Variants in RBFOX1 observed in about 807,000 individuals in gnomAD.
RBFOX1 encodes the protein RNA binding protein fox-1 homolog 1.
RBFOX1 carries 8 observed loss-of-function variants against 57.7 expected under a neutral mutation model. The ratio of observed to expected loss-of-function variants is 0.14; its 90% CI spans 0.08 to 0.25. RBFOX1 has a LOEUF of 0.25. Among genes scored for constraint, RBFOX1 ranks in the 10% least tolerant of loss-of-function variants. The probability of loss-of-function intolerance (pLI) is 1.00; values close to 1 mark genes in which losing one functional copy is unlikely to be tolerated. For missense variants in RBFOX1, 611 were observed against 548.5 expected (o/e 1.11, Z -1.14); for synonymous variants, 326 against 222.4 (o/e 1.47, Z -4.15).
At chr16:7,441,395 TG>T (rs1287078069) in intron 4 of RBFOX1, among the ~76,000 whole-genome samples, 1 of 152,218 alleles carries the variant, frequency 6.6e-6, no homozygotes, top group African/African-American at 2.4e-5. Context: ...GGTAGAGTTT[TG>T]CTCTGAGAGA....
intron 3 of RBFOX1, among the ~76,000 whole-genome samples, chr16:6,738,069 C>T (rs548343016): frequency 1.7e-3 from 227 of 132,934 alleles, no homozygotes; most frequent in African/African-American, 5.4e-3. Context: ...TTTTTTTTTG[C>T]GGTAATTCTT....
chr16:6,173,490 A>C (rs1050432418), intron 1 of RBFOX1, among the ~76,000 whole-genome samples: 1 of 151,476 alleles, frequency 6.6e-6, no homozygotes, highest in African/African-American at 2.4e-5. Context: ...CACTCCACTC[A>C]CCAGTGGATA....
At chr16:6,590,457 G>A (rs2097694569) in intron 2 of RBFOX1, among the ~76,000 whole-genome samples, 1 of 152,152 alleles carries the variant, frequency 6.6e-6, no homozygotes, top group Admixed American at 6.5e-5. Context: ...CTTTTACACA[G>A]TAGCAGGCCT....
chr16:5,979,394 C>T lies in RBFOX1; in HGVS notation c.351+112059C>T, dbSNP rs138860743. Among the ~76,000 whole-genome samples the T allele has an allele frequency of 5.8e-3, 878 of 152,254 alleles. 4 individuals are homozygous for T. The highest frequency in any genetic ancestry group is 7.7e-3 in the Non-Finnish European group (522 of 68,006). On this transcript the variant is annotated intron_variant, in intron 4 of 19. Transcript: ENST00000641259. ...TCAAAATTTGTTATTTTGTTATTTC[C>T]TTCTTTTTATCTCAAGAGAGGAAAC...
At chr16:7,523,270 G>A (rs938599102) in intron 5 of RBFOX1, among the ~76,000 whole-genome samples, 1 of 152,112 alleles carries the variant, frequency 6.6e-6, no homozygotes, top group African/African-American at 2.4e-5. Context: ...TTCATTTTGG[G>A]TAATGGAGAA....
intron 2 of RBFOX1, among the ~76,000 whole-genome samples, chr16:6,484,246 G>T (rs1317523620): frequency 6.6e-6 from 1 of 152,200 alleles, no homozygotes; most frequent in Non-Finnish European, 1.5e-5. Flanking sequence ...ATGGCCAGAT[G>T]GGTTGTGCAT....
intron 4 of RBFOX1, among the ~76,000 whole-genome samples, chr16:7,378,876 T>C (rs1231247813): frequency 1.3e-5 from 2 of 152,110 alleles, no homozygotes; most frequent in Admixed American, 6.5e-5. Context: ...TATTATTAAG[T>C]GGCAATAACG....
At chr16:6,482,627 C>G (rs142152869) in intron 2 of RBFOX1, among the ~76,000 whole-genome samples, 1 of 152,310 alleles carries the variant, frequency 6.6e-6, no homozygotes, top group East Asian at 1.9e-4. Context: ...AACCTCAGCG[C>G]ATTCTCATTT....
intron 2 of RBFOX1, among the ~76,000 whole-genome samples, chr16:6,461,296 T>G (rs1464675448): frequency 6.6e-6 from 1 of 152,158 alleles, no homozygotes; most frequent in Admixed American, 6.6e-5. Flanking sequence ...ACACTGGTCA[T>G]AGTGGATTAG....
At chr16:6,925,108 G>A (rs148428338) in intron 3 of RBFOX1, among the ~76,000 whole-genome samples, 3,244 of 70,388 alleles carry the variant, frequency 0.046, 224 homozygotes, top group African/African-American at 0.16. Flanking sequence ...CTAGGTTGTT[G>A]GTTTTTTTTT....
intron 3 of RBFOX1, among the ~76,000 whole-genome samples, chr16:7,051,297 G>A (rs1035316008): frequency 6.6e-6 from 1 of 152,162 alleles, no homozygotes; most frequent in African/African-American, 2.4e-5. Context: ...GCATAATCAT[G>A]TAATACGACT....
At chr16:5,512,641 G>C (rs888401056) in intron 2 of RBFOX1, among the ~76,000 whole-genome samples, 10 of 152,078 alleles carry the variant, frequency 6.6e-5, no homozygotes, top group African/African-American at 2.4e-4. Context: ...AATAGGTTTA[G>C]GTTCATAAAA....
rs183558458 is a variant in RBFOX1, at chr16:6,536,104, C to G, written c.-63-118499C>G. Among the ~76,000 whole-genome samples, 3 of 152,246 alleles carry G rather than the reference C, an allele frequency of 2.0e-5. No individual in the cohort carries two copies. In the East Asian group the frequency reaches 5.8e-4, roughly 29 times the overall value. On this transcript the variant is annotated intron_variant, in intron 2 of 15. Transcript: ENST00000550418. ...GATACAGGAGTATTAATTACCAATG[C>G]TTAGTAAGTATTGATACCCAGGTGA...
At chr16:5,527,984 A>C (rs567817564) in intron 2 of RBFOX1, among the ~76,000 whole-genome samples, 1 of 152,302 alleles carries the variant, frequency 6.6e-6, no homozygotes, top group Non-Finnish European at 1.5e-5. Flanking sequence ...ATGTTTAAAC[A>C]GCCCCTCAGA....
chr16:5,637,810 G>T (rs1000498879), intron 3 of RBFOX1, among the ~76,000 whole-genome samples: 1 of 152,072 alleles, frequency 6.6e-6, no homozygotes, highest in Admixed American at 6.5e-5. Context: ...TGGTGAGGAG[G>T]GAGGGCCACA....
chr16:7,688,033 C>G (rs1315570431), intron 14 of RBFOX1, among the ~76,000 whole-genome samples: 1 of 151,974 alleles, frequency 6.6e-6, no homozygotes, highest in Admixed American at 6.6e-5. Flanking sequence ...TATTAAAAAA[C>G]AAAGTATTGG....
At chr16:7,422,034 A>G (rs977145778) in intron 4 of RBFOX1, among the ~76,000 whole-genome samples, 1 of 152,208 alleles carries the variant, frequency 6.6e-6, no homozygotes, top group Admixed American at 6.5e-5. Flanking sequence ...AAGGAAACAC[A>G]GTCTCAGTTA....
At chr16:5,944,022 C>A (rs180760264) in intron 4 of RBFOX1, among the ~76,000 whole-genome samples, 3 of 151,160 alleles carry the variant, frequency 2.0e-5, no homozygotes, top group Admixed American at 2.0e-4. Flanking sequence ...CACCCATCCA[C>A]CATCCATTCA....
At chr16:6,910,511 A>G (rs1024856702) in intron 3 of RBFOX1, among the ~76,000 whole-genome samples, 4 of 152,194 alleles carry the variant, frequency 2.6e-5, no homozygotes, top group Non-Finnish European at 4.4e-5. Context: ...CAAACAACCT[A>G]CATGCTTTTC....
Sources: gnomAD v4.1 joint callset for allele counts (sites outside exome capture counted in the v4.1 genomes callset) on GRCh38, gnomAD v4.1.1 for gene constraint, MANE v1.5 for transcripts, NCBI Gene and HGNC (gene_info 2026-07-23, HGNC 2026-07-21) for gene names.